Variants in SLC19A1 observed in about 807,000 individuals in gnomAD.
SLC19A1 encodes solute carrier family 19 member 1.
A neutral mutation model predicts 35.3 loss-of-function variants in SLC19A1; 37 were observed. That is an observed-to-expected ratio of 1.05 (90% CI 0.81 to 1.38). The LOEUF is 1.38. SLC19A1 is among the 40% of genes most tolerant of loss of function. SLC19A1 has a pLI of 0.00. For missense variants in SLC19A1, 831 were observed against 826.9 expected (o/e 1.00, Z -0.06); for synonymous variants, 460 against 398.5 (o/e 1.15, Z -1.84).
chr21:45,503,333 A>C (rs2036966519), intron 3 of SLC19A1, among the ~76,000 whole-genome samples: 1 of 151,856 alleles, frequency 6.6e-6, no homozygotes, highest in Non-Finnish European at 1.5e-5. Flanking sequence ...GATGATGAGC[A>C]TTTTTTCATG....
At chr21:45,550,619 G>A (rs2078455840) in intron 1 of SLC19A1, among the ~76,000 whole-genome samples, 1 of 152,250 alleles carries the variant, frequency 6.6e-6, no homozygotes, top group Non-Finnish European at 1.5e-5. Flanking sequence ...GATCACAGCA[G>A]CCCCGCCGGG....
intron 1 of SLC19A1, among the ~76,000 whole-genome samples, chr21:45,553,095 C>T (rs1315597072): frequency 6.6e-6 from 1 of 152,112 alleles, no homozygotes; most frequent in African/African-American, 2.4e-5. Flanking sequence ...AGGGCTGGGG[C>T]AGGACCGGAG....
At chr21:45,504,793 G>A (rs767646662) in intron 3 of SLC19A1, among the ~76,000 whole-genome samples, 1 of 152,114 alleles carries the variant, frequency 6.6e-6, no homozygotes, top group Non-Finnish European at 1.5e-5. Flanking sequence ...CCTCCTGCTG[G>A]GGCCACGTGC....
intron 3 of SLC19A1, chr21:45,504,647 G>C (rs76247277): frequency 0.03 from 34,822 of 1,170,548 alleles, 1,582 homozygotes; most frequent in African/African-American, 0.19. Context: ...CGACACCCGC[G>C]AAGGCCGGAG....
intron 3 of SLC19A1, chr21:45,505,483 T>A: frequency 1.1e-6 from 1 of 944,390 alleles, no homozygotes; most frequent in Non-Finnish European, 1.7e-6. Context: ...CCTGGCTGGT[T>A]CTGCAGCCCC....
rs544034401 is a variant in SLC19A1 at position 45,522,679 on chromosome 21, A to G, written c.1293+3138T>C. The stretch of plus-strand genomic sequence containing the variant: ...GAAGGAATCAGCCACAGCCACAGTA[A>G]CAACATGGATGAATGTTCAGAGAAC... On this transcript the variant is annotated intron_variant, in intron 5 of 5. Transcript: ENST00000311124. Among the ~76,000 whole-genome samples, 3 of 152,348 alleles carry G rather than the reference A, an allele frequency of 2.0e-5. No homozygotes were observed. In the South Asian group the frequency reaches 6.2e-4, roughly 32 times the overall value.
At chr21:45,511,737 TGTCCCCAGCA>T (rs768874358), downstream of SLC19A1, among the ~76,000 whole-genome samples, 1 of 152,158 alleles carries the variant, frequency 6.6e-6, no homozygotes, top group Non-Finnish European at 1.5e-5. Context: ...CCACACAGCG[TGTCCCCAGCA>T]GTGCCTGGCC....
At chr21:45,557,516 G>A (rs1481432471) in intron 1 of SLC19A1, among the ~76,000 whole-genome samples, 1 of 152,154 alleles carries the variant, frequency 6.6e-6, no homozygotes, top group Non-Finnish European at 1.5e-5. Flanking sequence ...GTGTCCGCCT[G>A]GAGTGTCCTG....
At position 45,533,030 on chromosome 21, in the gene SLC19A1, T is replaced by C. The variant is rs1248820989; in HGVS notation, c.190-882A>G. Among the ~76,000 whole-genome samples, 1 of 152,158 alleles carries C rather than the reference T, an allele frequency of 6.6e-6. No homozygotes were observed. The highest frequency in any genetic ancestry group is 1.9e-4 in the East Asian group (1 of 5,182). On this transcript the variant is annotated intron_variant, in intron 2 of 5. Transcript: ENST00000311124. This position sits in a 1 kb window ranked among gnomAD's most constrained non-coding sequence, Gnocchi z 4.5. ...TGGGCTGTGCACTCCCATCTCACAC[T>C]TGTCCCCAGAGCAAGGTCTTTAAGG...
intron 1 of SLC19A1, among the ~76,000 whole-genome samples, chr21:45,551,164 G>A (rs753604301): frequency 6.6e-6 from 1 of 151,806 alleles, no homozygotes; most frequent in Non-Finnish European, 1.5e-5. Flanking sequence ...TGAGGCAGGA[G>A]AATAGCTTGA....
At chr21:45,507,062 TGGGAGGGCTGGGTGCTGGGCA>T in intron 3 of SLC19A1, 1 of 329,744 alleles carries the variant, frequency 3.0e-6, no homozygotes, top group Non-Finnish European at 6.0e-6. Flanking sequence ...AAACGCGTGC[TGGGAGGGCTGGGTGCTGGGCA>T]GGGAGGGCAA....
Position 45,561,558 on chromosome 21 carries a change from C to A in SLC19A1, c.-50+1184G>T, listed in dbSNP as rs993965950. Among the ~76,000 whole-genome samples the A allele has an allele frequency of 3.9e-5, 6 of 151,976 alleles. 1 individual carries two copies. The South Asian group carries it at 8.3e-4, about 21-fold the overall frequency. On this transcript the variant is annotated intron_variant, in intron 1 of 5. Transcript: ENST00000650808. ...GGCAGATCACCTGAGGTTAGGAGTTCGAGACCAGCCTGGTCAACATGGTGA... is the reference window on the plus strand; with the variant it reads ...GGCAGATCACCTGAGGTTAGGAGTTAGAGACCAGCCTGGTCAACATGGTGA...
upstream of SLC19A1, among the ~76,000 whole-genome samples, chr21:45,549,095 C>G (rs568702462): frequency 6.6e-6 from 1 of 152,340 alleles, no homozygotes; most frequent in African/African-American, 2.4e-5. Context: ...GGGTTGTACC[C>G]TGTTCTCATG....
At chr21:45,506,221 C>A in intron 3 of SLC19A1, 1 of 521,548 alleles carries the variant, frequency 1.9e-6, no homozygotes, top group East Asian at 3.5e-5. Context: ...TGGGTCATGT[C>A]ACAGTGAACG....
Position 45,532,013 on chromosome 21 carries a change from G to A in SLC19A1, c.325C>T (p.Leu109=), listed in dbSNP as rs1473719777. The change falls in exon 3 of 6, where the codon CTG becomes TTG. Residue 109 remains leucine, a synonymous_variant. Transcript: ENST00000311124. Reference sequence around the variant, plus strand: ...GCCACCGAGTGGCCCAGCAGCAGCAGCAGCCACACCGACACGAAGCTGAGC... The same window carrying A: ...GCCACCGAGTGGCCCAGCAGCAGCAACAGCCACACCGACACGAAGCTGAGC... ...QGLSFVSVWL[L]LLLGHSVAHM... The A allele has an allele frequency of 3.1e-6, 5 of 1,610,852 alleles. 1 individual carries two copies.
chr21:45,510,374 A>G (rs572042125), downstream of SLC19A1: 174 of 1,236,046 alleles, frequency 1.4e-4, no homozygotes, highest in East Asian at 3.8e-3. Flanking sequence ...CATGTTACAG[A>G]CACTGGCGCC....
At chr21:45,510,273 C>A, downstream of SLC19A1, 1 of 1,596,832 alleles carries the variant, frequency 6.3e-7, no homozygotes, top group East Asian at 2.3e-5. Flanking sequence ...TGGGTCAGTC[C>A]AGTCCTGAGG....
chr21:45,557,477 G>A (rs375366547), intron 1 of SLC19A1, among the ~76,000 whole-genome samples: 73 of 152,318 alleles, frequency 4.8e-4, no homozygotes, highest in African/African-American at 1.6e-3. Flanking sequence ...TCACAGAGAC[G>A]GTTGGGCCCG....
intron 3 of SLC19A1, among the ~76,000 whole-genome samples, chr21:45,503,212 C>T (rs1437693636): frequency 6.6e-6 from 1 of 152,210 alleles, no homozygotes; most frequent in African/African-American, 2.4e-5. Context: ...TCCTATTTCT[C>T]TACATCCTCT....
Sources: allele counts gnomAD v4.1 joint callset (sites outside exome capture counted in the v4.1 genomes callset), GRCh38; gene constraint gnomAD v4.1.1; non-coding constraint Gnocchi (gnomAD v3.1); transcripts MANE v1.5; gene names NCBI Gene and HGNC (gene_info 2026-07-23, HGNC 2026-07-21).